Variants in DCP1A observed in about 807,000 individuals in gnomAD.
DCP1A encodes mRNA-decapping enzyme 1A.
A neutral mutation model predicts 58.0 loss-of-function variants in DCP1A; 20 were observed. The ratio of observed to expected loss-of-function variants is 0.34; its 90% CI spans 0.24 to 0.50. The LOEUF (loss-of-function observed/expected upper bound fraction) is 0.50. Among genes scored for constraint, DCP1A ranks in the 20% least tolerant of loss-of-function variants. DCP1A has a pLI of 0.98. For missense variants in DCP1A, 613 were observed against 712.2 expected (o/e 0.86, Z 1.59); for synonymous variants, 285 against 275.1 (o/e 1.04, Z -0.36).
chr3:53,300,754 C>T (rs1707287225), intron 6 of DCP1A, among the ~76,000 whole-genome samples: 1 of 151,928 alleles, frequency 6.6e-6, no homozygotes, highest in South Asian at 2.1e-4. Context: ...TTCAAGTGAT[C>T]CTCCCACTTT....
At chr3:53,310,433 G>A (rs1263703350) in intron 5 of DCP1A, among the ~76,000 whole-genome samples, 1 of 152,174 alleles carries the variant, frequency 6.6e-6, no homozygotes, top group African/African-American at 2.4e-5. Flanking sequence ...TGGAGTATCT[G>A]CTTTAGTGCG....
At chr3:53,301,194 A>G (rs1707302262) in intron 6 of DCP1A, among the ~76,000 whole-genome samples, 1 of 152,196 alleles carries the variant, frequency 6.6e-6, no homozygotes, top group South Asian at 2.1e-4. Flanking sequence ...AATTATCTAA[A>G]TATCTAAAAA....
chr3:53,340,776 A>T (rs1053658572), intron 3 of DCP1A, among the ~76,000 whole-genome samples: 1 of 152,210 alleles, frequency 6.6e-6, no homozygotes, highest in South Asian at 2.1e-4. Flanking sequence ...ACTGGAATCA[A>T]GTATATTTTT....
Position 53,317,455 on chromosome 3 carries a change from G to A in DCP1A, c.371+1952C>T, listed in dbSNP as rs1182130821. On this transcript the variant is annotated intron_variant, in intron 4 of 9. Transcript: ENST00000610213. ...GCTAGGATTACAGGCGTGAGCCACC[G>A]CGCCCAGCCAACCCTGTGTCTTCTA... 7.2e-5 allele frequency among the ~76,000 whole-genome samples: 11 copies of A among 152,130 alleles called. No homozygotes were observed. In the South Asian group the frequency reaches 8.3e-4, roughly 11 times the overall value.
Position 53,292,049 on chromosome 3 carries a change from C to A in DCP1A, c.1383+20G>T. On this transcript the variant is annotated intron_variant, in intron 7 of 9. Coordinates refer to ENST00000610213, the MANE Select transcript of DCP1A (RefSeq NM_018403.7). ...AGTTACAGTTACCCACTCTGCCCAC[C>A]CCCACCCTCCTGCCATTACCTGAAG... 6.3e-7 allele frequency: 1 copy of A among 1,591,288 alleles called. No homozygotes were observed. Among genetic ancestry groups the A allele is most frequent in the South Asian group, 1.1e-5 (1 of 89,064 alleles).
intron 6 of DCP1A, among the ~76,000 whole-genome samples, chr3:53,298,027 G>C (rs1373715554): frequency 1.3e-5 from 2 of 152,194 alleles, no homozygotes; most frequent in African/African-American, 4.8e-5. Context: ...AGATCAGCCT[G>C]GTCAACATAT....
At chr3:53,335,422 G>A (rs986793835) in intron 3 of DCP1A, among the ~76,000 whole-genome samples, 5 of 152,282 alleles carry the variant, frequency 3.3e-5, no homozygotes, top group Non-Finnish European at 7.4e-5. Flanking sequence ...GATTACAGGC[G>A]TGAGCCATAG....
intron 3 of DCP1A, among the ~76,000 whole-genome samples, chr3:53,340,249 T>A (rs2089183159): frequency 6.6e-6 from 1 of 152,172 alleles, no homozygotes; most frequent in Non-Finnish European, 1.5e-5. Flanking sequence ...AATGGAATAT[T>A]CAGTACAAAG....
chr3:53,346,339 T>G (rs75668494), intron 1 of DCP1A, among the ~76,000 whole-genome samples: 122 of 152,324 alleles, frequency 8.0e-4, no homozygotes, highest in African/African-American at 2.9e-3. Flanking sequence ...TGCCAAATGA[T>G]TTTCGATAAA....
intron 6 of DCP1A, among the ~76,000 whole-genome samples, chr3:53,299,353 G>T (rs897167522): frequency 6.6e-6 from 1 of 152,154 alleles, no homozygotes; most frequent in Non-Finnish European, 1.5e-5. Flanking sequence ...TTCAAGTTAG[G>T]ATTCTGAGTT....
At chr3:53,319,082 T>C (rs990436270) in intron 4 of DCP1A, among the ~76,000 whole-genome samples, 4 of 152,176 alleles carry the variant, frequency 2.6e-5, no homozygotes, top group African/African-American at 7.2e-5. Flanking sequence ...CAGAGAAAGA[T>C]TTAATGCCCT....
chr3:53,303,059 C>T (rs1269948497), intron 6 of DCP1A, among the ~76,000 whole-genome samples: 1 of 152,014 alleles, frequency 6.6e-6, no homozygotes, highest in Non-Finnish European at 1.5e-5. Flanking sequence ...AAGCGAGGCT[C>T]CTACCTCAGC....
rs1167830951 is a variant in DCP1A at position 53,314,667 on chromosome 3, CTTTTTTTTTTTTTT to C, written c.372-2302_372-2289del. Among the ~76,000 whole-genome samples the C allele has an allele frequency of 3.5e-5, 3 of 86,722 alleles. No individual in the cohort carries two copies. The South Asian group carries it at 1.3e-3, about 37-fold the overall frequency. The allele number at this position is 86,722 out of a possible 152,430, so 56.9% of individuals were successfully genotyped here. On this transcript the variant is annotated intron_variant, in intron 4 of 9. Coordinates refer to ENST00000610213, the MANE Select transcript of DCP1A (RefSeq NM_018403.7). ...AGAGAAGAATATTTCTTTTCTTTTTCTTTTTTTTTTTTTTTTTTTTTTGAGACAGAGCCTTACTC... is the reference window on the plus strand; with the variant it reads ...AGAGAAGAATATTTCTTTTCTTTTTCTTTTTTTTGAGACAGAGCCTTACTC...
At chr3:53,326,530 G>A (rs1331430894) in intron 3 of DCP1A, among the ~76,000 whole-genome samples, 1 of 152,202 alleles carries the variant, frequency 6.6e-6, no homozygotes, top group Non-Finnish European at 1.5e-5. Context: ...CAGAAGGTGA[G>A]TGGCAGACAA....
chr3:53,290,540 G>A, intron 8 of DCP1A: 1 of 608,440 alleles, frequency 1.6e-6, no homozygotes, highest in South Asian at 2.0e-5. Flanking sequence ...TCTAAGATGT[G>A]CTGGGCTCCA....
chr3:53,337,427 G>A lies in DCP1A; in HGVS notation c.304+4717C>T, dbSNP rs185477544. 4.5e-3 allele frequency among the ~76,000 whole-genome samples: 685 copies of A among 152,300 alleles called. 6 individuals are homozygous for A. Among genetic ancestry groups the A allele is most frequent in the Non-Finnish European group, 7.4e-3 (502 of 68,016 alleles). ...TGAGATCATTTGTTGAGTCTAGAAT[G>A]GAGACACAGTCTATGATATTTTGTA... is the stretch of plus-strand genomic sequence containing the variant. On this transcript the variant is annotated intron_variant, in intron 3 of 9. Coordinates refer to ENST00000610213, the MANE Select transcript of DCP1A (RefSeq NM_018403.7).
chr3:53,299,078 T>C (rs1273416835), intron 6 of DCP1A, among the ~76,000 whole-genome samples: 1 of 152,238 alleles, frequency 6.6e-6, no homozygotes, highest in Non-Finnish European at 1.5e-5. Flanking sequence ...AATCGCCTAA[T>C]GACACATTTC....
intron 3 of DCP1A, among the ~76,000 whole-genome samples, chr3:53,325,182 TGA>T (rs1249108714): frequency 1.3e-5 from 2 of 152,220 alleles, no homozygotes; most frequent in African/African-American, 4.8e-5. Context: ...TTTCTCATCT[TGA>T]GAGAGGTACA....
chr3:53,329,416 G>A (rs1412790289), intron 3 of DCP1A: 8 of 398,446 alleles, frequency 2.0e-5, no homozygotes, highest in East Asian at 7.1e-5. Flanking sequence ...AAGCAGAAAC[G>A]AAGGGGTACT....
Sources: gnomAD v4.1 joint callset for allele counts (sites outside exome capture counted in the v4.1 genomes callset) on GRCh38, gnomAD v4.1.1 for gene constraint, MANE v1.5 for transcripts, NCBI Gene and HGNC (gene_info 2026-07-23, HGNC 2026-07-21) for gene names.